DCLK1: variants seen among roughly 807,000 people sequenced by gnomAD.
DCLK1 encodes the protein doublecortin like kinase 1, also known as serine/threonine-protein kinase DCLK1.
In DCLK1, 16 loss-of-function variants were observed where a neutral mutation model predicts 86.2. That is an observed-to-expected ratio of 0.19 (90% confidence interval 0.13 to 0.28). The LOEUF (loss-of-function observed/expected upper bound fraction) is 0.28, where lower values mean the gene tolerates loss of function less well. DCLK1 is among the 10% of genes least tolerant of loss of function. The pLI is 1.00. For missense variants in DCLK1, 590 were observed against 940.2 expected (o/e 0.63, Z 4.87); for synonymous variants, 369 against 370.5 (o/e 1.00, Z 0.05).
At chr13:35,913,815 G>A (rs1875192683) in intron 4 of DCLK1, among the ~76,000 whole-genome samples, 1 of 152,088 alleles carries the variant, frequency 6.6e-6, no homozygotes, top group South Asian at 2.1e-4. Flanking sequence ...AGTTACGGAA[G>A]CATAATATAT....
At chr13:35,828,625 T>C (rs1404629247) in intron 8 of DCLK1, among the ~76,000 whole-genome samples, 1 of 152,130 alleles carries the variant, frequency 6.6e-6, no homozygotes, top group Non-Finnish European at 1.5e-5. Flanking sequence ...GTACTTTCCT[T>C]CCTTTTCTTA....
chr13:35,809,975 T>C (rs1735626076), intron 12 of DCLK1, among the ~76,000 whole-genome samples: 1 of 152,160 alleles, frequency 6.6e-6, no homozygotes, highest in African/African-American at 2.4e-5. Flanking sequence ...GGACTGAAAC[T>C]GCTAATGAGA....
intron 4 of DCLK1, among the ~76,000 whole-genome samples, chr13:35,907,635 AG>A (rs1189132334): frequency 6.6e-6 from 1 of 152,260 alleles, no homozygotes; most frequent in East Asian, 1.9e-4. Flanking sequence ...GTATGGGGAA[AG>A]GCAGGATAGG....
intron 3 of DCLK1, among the ~76,000 whole-genome samples, chr13:36,081,159 G>T (rs1228630881): frequency 6.6e-6 from 1 of 151,998 alleles, no homozygotes; most frequent in Non-Finnish European, 1.5e-5. Context: ...TGGTTAAAAT[G>T]AAAGCAACTT....
In DCLK1 at chr13:36,019,455, G is replaced by T. The variant is rs555144484; in HGVS notation, c.724-71998C>A. On this transcript the variant is annotated intron_variant, in intron 3 of 16. Transcript: ENST00000360631. ...CAGAGTCTTATCAAAAGTATTGTCA[G>T]CCTGTTTCTTCACTTACTACACAGC... Among the ~76,000 whole-genome samples the T allele has an allele frequency of 3.3e-5, 5 of 152,270 alleles. No homozygotes were observed. In the East Asian group the frequency reaches 9.6e-4, roughly 29 times the overall value.
intron 4 of DCLK1, among the ~76,000 whole-genome samples, chr13:35,936,422 C>T (rs1424509497): frequency 6.6e-6 from 1 of 152,158 alleles, no homozygotes; most frequent in Non-Finnish European, 1.5e-5. Flanking sequence ...ATAAACAGTT[C>T]TAGACCTTAG....
chr13:36,111,824 G>C, intron 3 of DCLK1, 45 bp downstream of exon 3: 2 of 1,554,418 alleles, frequency 1.3e-6, no homozygotes, highest in South Asian at 2.3e-5. Flanking sequence ...CCGACTCCCT[G>C]GTTCTTGCCT....
At chr13:36,046,252 A>G (rs1882910280) in intron 3 of DCLK1, among the ~76,000 whole-genome samples, 1 of 152,218 alleles carries the variant, frequency 6.6e-6, no homozygotes, top group Non-Finnish European at 1.5e-5. Flanking sequence ...AAATGTCACA[A>G]TGCAAATTAC....
chr13:35,856,235 A>G lies in DCLK1; in HGVS notation c.941-1642T>C, dbSNP rs145800641. Among the ~76,000 whole-genome samples the G allele has an allele frequency of 3.3e-5, 5 of 152,336 alleles. No homozygotes were observed. The East Asian group carries it at 9.6e-4, about 29-fold the overall frequency. ...GCTGAGAATGCTTTAATTTGCTTGC[A>G]TGCCACCATCCTGTCTTTGCTGAGT... On this transcript the variant is annotated intron_variant, in intron 5 of 16. Coordinates refer to ENST00000360631, the MANE Select transcript of DCLK1 (RefSeq NM_001330071.2).
intron 3 of DCLK1, among the ~76,000 whole-genome samples, chr13:35,986,242 C>T (rs1463085408): frequency 8.0e-6 from 1 of 124,730 alleles, no homozygotes; most frequent in Non-Finnish European, 1.6e-5. Context: ...TCGGAGGTTG[C>T]AGTAAGCCGA....
intron 3 of DCLK1, among the ~76,000 whole-genome samples, chr13:36,111,417 T>G (rs1003096856): frequency 6.6e-6 from 1 of 152,204 alleles, no homozygotes; most frequent in African/African-American, 2.4e-5. Flanking sequence ...TTAAAATCTA[T>G]AAAATGTAAG....
chr13:36,045,855 G>GAA (rs200260724), intron 3 of DCLK1, among the ~76,000 whole-genome samples: 2 of 137,122 alleles, frequency 1.5e-5, no homozygotes, highest in Non-Finnish European at 1.6e-5. Flanking sequence ...TCCAAGTCAA[G>GAA]AAAAAAAAAA....
chr13:35,883,879 G>C (rs1246053272), intron 4 of DCLK1, among the ~76,000 whole-genome samples: 2 of 152,190 alleles, frequency 1.3e-5, no homozygotes, highest in African/African-American at 4.8e-5. Flanking sequence ...CCTGCTGACA[G>C]CCTTGCACAG....
chr13:35,799,033 T>C (rs2086866688), intron 15 of DCLK1, among the ~76,000 whole-genome samples: 1 of 152,230 alleles, frequency 6.6e-6, no homozygotes, highest in Non-Finnish European at 1.5e-5. Flanking sequence ...AAGTCTTGAA[T>C]TGGCTAAATA....
chr13:36,045,954 A>C (rs72621280), intron 3 of DCLK1, among the ~76,000 whole-genome samples: 12,191 of 152,184 alleles, frequency 0.08, 949 homozygotes, highest in East Asian at 0.3. Context: ...TTCTTAGTAC[A>C]GTTTAGGTTA....
At chr13:36,081,075 A>T (rs1884404801) in intron 3 of DCLK1, among the ~76,000 whole-genome samples, 2 of 152,216 alleles carry the variant, frequency 1.3e-5, no homozygotes, top group South Asian at 4.1e-4. Context: ...GGTGTTTGGT[A>T]GAAGTTTTGC....
chr13:35,901,011 T>A (rs1874323399), intron 4 of DCLK1, among the ~76,000 whole-genome samples: 1 of 151,870 alleles, frequency 6.6e-6, no homozygotes, highest in Admixed American at 6.6e-5. Context: ...AAGGCAGGTG[T>A]TGAGACAGTG....
intron 16 of DCLK1, among the ~76,000 whole-genome samples, chr13:35,792,547 A>C (rs1402999424): frequency 6.6e-6 from 1 of 152,214 alleles, no homozygotes; most frequent in Admixed American, 6.5e-5. Context: ...GAAGAAAAAC[A>C]GCTCAAGTGA....
Position 36,110,351 on chromosome 13 carries a change from T to C in DCLK1, c.723+1518A>G, listed in dbSNP as rs984623363. Among the ~76,000 whole-genome samples the C allele has an allele frequency of 5.2e-4, 79 of 152,170 alleles. 1 individual carries two copies. Among genetic ancestry groups the C allele is most frequent in the Non-Finnish European group, 6.6e-4 (45 of 68,028 alleles). On this transcript the variant is annotated intron_variant, in intron 3 of 16. Coordinates refer to ENST00000360631, the MANE Select transcript of DCLK1 (RefSeq NM_001330071.2). The stretch of plus-strand genomic sequence containing the variant: ...CTTAAATATAGAAGACTAAGTCTCA[T>C]TCATTAGAGAATCTCATCCATTAGA...
Sources: gnomAD v4.1 joint callset for allele counts (sites outside exome capture counted in the v4.1 genomes callset) on GRCh38, gnomAD v4.1.1 for gene constraint, MANE v1.5 for transcripts, NCBI Gene and HGNC (gene_info 2026-07-23, HGNC 2026-07-21) for gene names.